SLC24A2: variants seen among roughly 807,000 people sequenced by gnomAD.
SLC24A2 encodes the protein sodium/potassium/calcium exchanger 2.
SLC24A2 carries 36 observed loss-of-function variants against 62.0 expected under a neutral mutation model. That is an observed-to-expected ratio of 0.58 (90% CI 0.44 to 0.77). The LOEUF is 0.77. Among genes scored for constraint, SLC24A2 ranks in the 30% least tolerant of loss-of-function variants. The pLI is 0.00. For synonymous variants in SLC24A2, 358 were observed against 294.0 expected (o/e 1.22, Z -2.23); for missense variants, 846 against 817.9 (o/e 1.03, Z -0.42).
intron 8 of SLC24A2, among the ~76,000 whole-genome samples, chr9:19,538,829 G>T (rs890997736): frequency 9.7e-6 from 1 of 103,412 alleles, no homozygotes; most frequent in Non-Finnish European, 1.9e-5. Flanking sequence ...GAATCCATCT[G>T]GTCCTGGACT....
the SLC24A2 span, among the ~76,000 whole-genome samples, chr9:19,855,638 G>T: frequency 2.0e-5 from 3 of 152,202 alleles, no homozygotes; most frequent in Non-Finnish European, 4.4e-5. Context: ...CTGGCTTGTA[G>T]GGTTTCTGCT....
intron 9 of SLC24A2, among the ~76,000 whole-genome samples, chr9:19,526,641 C>T (rs941735521): frequency 2.6e-5 from 4 of 152,080 alleles, no homozygotes; most frequent in African/African-American, 4.8e-5. Context: ...TAGCCATCTG[C>T]GTATTTTCTT....
At position 19,633,530 on chromosome 9, in the gene SLC24A2, T is replaced by C. The variant is rs7871073; in HGVS notation, c.931-11231A>G. 2.1e-3 allele frequency among the ~76,000 whole-genome samples: 319 copies of C among 152,324 alleles called. 1 individual carries two copies. The highest frequency in any genetic ancestry group is 7.3e-3 in the African/African-American group (304 of 41,568). ...TATCTCATTGTGGTATCATAGTTGT[T>C]TATTTTCATTTTTATTTTTGTAAAG... On this transcript the variant is annotated intron_variant, in intron 2 of 10. Transcript: ENST00000341998.
chr9:19,679,227 G>A (rs566435339), intron 2 of SLC24A2, among the ~76,000 whole-genome samples: 13 of 152,244 alleles, frequency 8.5e-5, no homozygotes, highest in African/African-American at 2.4e-4. Flanking sequence ...GTGTCTTTAG[G>A]TTTATTACAT....
intron 4 of SLC24A2, among the ~76,000 whole-genome samples, chr9:19,615,629 A>G (rs1269265463): frequency 6.6e-6 from 1 of 152,180 alleles, no homozygotes; most frequent in Non-Finnish European, 1.5e-5. Flanking sequence ...TCAAGTCCAG[A>G]GCTGATTATG....
the SLC24A2 span, among the ~76,000 whole-genome samples, chr9:20,139,232 T>A: frequency 1.3e-5 from 2 of 152,196 alleles, no homozygotes; most frequent in South Asian, 4.1e-4. Flanking sequence ...TATGTAGTGA[T>A]TAAATGCAGG....
chr9:19,947,808 A>AAAGAAAGAAAGAAAGAAAGAAAGAAAG, the SLC24A2 span, among the ~76,000 whole-genome samples: 2 of 59,220 alleles, frequency 3.4e-5, no homozygotes, highest in African/African-American at 8.0e-5. Context: ...AAAAAAAAAA[A>AAAGAAAGAAAGAAAGAAAGAAAGAAAG]AAAGAAAGAA....
the SLC24A2 span, among the ~76,000 whole-genome samples, chr9:19,869,124 G>A: frequency 6.6e-6 from 1 of 152,038 alleles, no homozygotes; most frequent in Non-Finnish European, 1.5e-5. Context: ...TGGGACCAAA[G>A]GCATGTACCA....
chr9:20,255,769 C>A, the SLC24A2 span, among the ~76,000 whole-genome samples: 1 of 152,184 alleles, frequency 6.6e-6, no homozygotes, highest in Admixed American at 6.5e-5. Flanking sequence ...TCATAGAACA[C>A]ATTCAGGTTA....
chr9:19,930,352 C>A, the SLC24A2 span, among the ~76,000 whole-genome samples: 1 of 152,150 alleles, frequency 6.6e-6, no homozygotes, highest in South Asian at 2.1e-4. Context: ...GTTACAATTG[C>A]CTGTAGTATT....
chr9:20,078,188 T>C, the SLC24A2 span, among the ~76,000 whole-genome samples: 2 of 152,160 alleles, frequency 1.3e-5, no homozygotes, highest in African/African-American at 4.8e-5. Context: ...GAGGCTTCAG[T>C]GCCAGACTGT....
intron 2 of SLC24A2, among the ~76,000 whole-genome samples, chr9:19,680,851 TTGTGTGTGTG>T (rs72142691): frequency 6.8e-5 from 10 of 146,968 alleles, no homozygotes; most frequent in Non-Finnish European, 1.2e-4. Context: ...TATACCAGAG[TTGTGTGTGTG>T]TGTGTGTGTG....
chr9:19,789,300 C>T (rs181309488), upstream of SLC24A2, among the ~76,000 whole-genome samples: 7 of 152,372 alleles, frequency 4.6e-5, no homozygotes, highest in South Asian at 2.1e-4. Flanking sequence ...GCCTAATTCA[C>T]AAAGCCTGAA....
chr9:19,643,395 T>C (rs1818558455), intron 2 of SLC24A2, among the ~76,000 whole-genome samples: 1 of 152,246 alleles, frequency 6.6e-6, no homozygotes, highest in Non-Finnish European at 1.5e-5. Flanking sequence ...AAGTCCCTGA[T>C]ATTCCAGACT....
chr9:20,218,284 T>C, the SLC24A2 span, among the ~76,000 whole-genome samples: 1 of 152,336 alleles, frequency 6.6e-6, no homozygotes, highest in South Asian at 2.1e-4. Context: ...ATCCAGTCAT[T>C]TGGGTCTTTG....
At chr9:20,009,454 T>C in the SLC24A2 span, among the ~76,000 whole-genome samples, 3 of 151,236 alleles carry the variant, frequency 2.0e-5, no homozygotes, top group Admixed American at 6.6e-5. Context: ...ATCTTGGTAG[T>C]TGCTCTGAAC....
chr9:19,990,511 T>A, the SLC24A2 span, among the ~76,000 whole-genome samples: 1 of 150,752 alleles, frequency 6.6e-6, no homozygotes, highest in Admixed American at 6.6e-5. Flanking sequence ...CTTGGGAGGA[T>A]GAGGCAGGGG....
At chr9:19,616,905 G>T (rs1817782795) in intron 4 of SLC24A2, among the ~76,000 whole-genome samples, 1 of 152,092 alleles carries the variant, frequency 6.6e-6, no homozygotes, top group East Asian at 1.9e-4. Flanking sequence ...GGAAGGGGGT[G>T]GGGGAAAGGA....
At chr9:19,742,488 G>T (rs1387940066) in intron 2 of SLC24A2, among the ~76,000 whole-genome samples, 3 of 152,134 alleles carry the variant, frequency 2.0e-5, no homozygotes, top group Non-Finnish European at 4.4e-5. Context: ...GGAACTTCAG[G>T]AGAGAAAAGC....
Sources: gnomAD v4.1 joint callset for allele counts (sites outside exome capture counted in the v4.1 genomes callset) on GRCh38, gnomAD v4.1.1 for gene constraint, MANE v1.5 for transcripts, NCBI Gene and HGNC (gene_info 2026-07-23, HGNC 2026-07-21) for gene names.